Variants in COBL observed in about 807,000 individuals in gnomAD.
The protein encoded by COBL is protein cordon-bleu.
COBL carries 51 observed loss-of-function variants against 98.8 expected under a neutral mutation model. The observed-to-expected ratio is 0.52, with a 90% CI of 0.41 to 0.65. The LOEUF (loss-of-function observed/expected upper bound fraction) is 0.65. Among genes scored for constraint, COBL ranks in the 30% least tolerant of loss-of-function variants. The pLI is 0.00. For missense variants in COBL, 1,617 were observed against 1,617.5 expected (o/e 1.00, Z 0.01); for synonymous variants, 634 against 651.7 (o/e 0.97, Z 0.41).
intron 5 of COBL, among the ~76,000 whole-genome samples, chr7:51,146,259 A>T (rs557630030): frequency 1.3e-5 from 2 of 152,292 alleles, no homozygotes; most frequent in East Asian, 3.9e-4. Context: ...AATCACTCAC[A>T]AATTTGGGTA....
At chr7:51,266,832 A>C (rs530699955) in intron 1 of COBL, among the ~76,000 whole-genome samples, 41 of 152,190 alleles carry the variant, frequency 2.7e-4, no homozygotes, top group Non-Finnish European at 4.7e-4. Context: ...GAGATAACCC[A>C]ATTCAGGGTT....
intron 5 of COBL, among the ~76,000 whole-genome samples, chr7:51,147,891 C>G (rs947107687): frequency 7.2e-5 from 11 of 152,020 alleles, no homozygotes; most frequent in Non-Finnish European, 1.3e-4. Flanking sequence ...GCTGGGAATA[C>G]AGGCACCCGC....
intron 1 of COBL, among the ~76,000 whole-genome samples, chr7:51,313,942 C>T (rs1803299201): frequency 6.6e-6 from 1 of 152,212 alleles, no homozygotes; most frequent in Non-Finnish European, 1.5e-5. Context: ...AGTTTTTGCA[C>T]ACAGCCTCTT....
At chr7:51,136,101 C>A (rs1799209435) in intron 6 of COBL, 57 bp downstream of exon 6, 1 of 1,562,236 alleles carries the variant, frequency 6.4e-7, no homozygotes, top group Non-Finnish European at 8.7e-7. Context: ...AGCTTTGGAA[C>A]AATCAACTGT....
chr7:51,103,809 G>GA (rs1201585828), intron 6 of COBL, among the ~76,000 whole-genome samples: 4 of 152,194 alleles, frequency 2.6e-5, no homozygotes, highest in Non-Finnish European at 5.9e-5. Flanking sequence ...TGGCTTGCTG[G>GA]AAATCTTACC....
In COBL at chr7:51,066,324, C is replaced by T. The variant is rs184427819; in HGVS notation, c.1096+18842G>A. On this transcript the variant is annotated intron_variant, in intron 7 of 12. Transcript: ENST00000265136. ...ATCCTCCCATAAAGCTCAAACAGCA[C>T]GCACCACCTCCTCCACTTTCTCCTT... 5.3e-5 allele frequency among the ~76,000 whole-genome samples: 8 copies of T among 152,246 alleles called. No homozygotes were observed. The East Asian group carries it at 7.7e-4, about 15-fold the overall frequency.
intron 5 of COBL, among the ~76,000 whole-genome samples, chr7:51,139,357 C>A (rs1041827034): frequency 2.0e-5 from 3 of 152,194 alleles, no homozygotes; most frequent in Admixed American, 2.0e-4. Flanking sequence ...GGCAGAAAGT[C>A]AGAAGGCGGA....
In COBL at chr7:51,016,657, C is replaced by G. The variant is rs1786313523; in HGVS notation, c.*894G>C. On this transcript the variant is annotated 3_prime_UTR_variant, in exon 13 of 13. Coordinates refer to ENST00000265136, the MANE Select transcript of COBL (RefSeq NM_015198.5). ...GCGCAACTTTGATCTGAACTCTTGA[C>G]AGGTGGGCATCCAACATCCCTGCTC... 1.3e-5 allele frequency: 4 copies of G among 312,564 alleles called. No individual in the cohort carries two copies. Among genetic ancestry groups the G allele is most frequent in the Non-Finnish European group, 2.3e-5 (4 of 171,822 alleles). The allele number at this position is 312,564 out of a possible 1,614,324, so 19.4% of individuals were successfully genotyped here. A position where few individuals can be genotyped will look rare whatever the true frequency, so the allele number is the denominator to read the frequency against.
chr7:51,307,465 G>A (rs1802597890), intron 1 of COBL, among the ~76,000 whole-genome samples: 2 of 152,178 alleles, frequency 1.3e-5, no homozygotes, highest in Non-Finnish European at 2.9e-5. Context: ...AGCAGGTTCT[G>A]GCCATCTCCT....
chr7:51,294,896 C>A (rs1353351751), intron 1 of COBL, among the ~76,000 whole-genome samples: 2 of 151,898 alleles, frequency 1.3e-5, no homozygotes, highest in Non-Finnish European at 2.9e-5. Flanking sequence ...AAAAATATTG[C>A]CCAATTAGGG....
At chr7:51,242,453 C>T (rs958962246) in intron 1 of COBL, among the ~76,000 whole-genome samples, 7 of 152,172 alleles carry the variant, frequency 4.6e-5, no homozygotes, top group Non-Finnish European at 1.0e-4. Flanking sequence ...GCTCAAGACA[C>T]AGGAAGCTGG....
chr7:51,017,822 C>T lies in COBL; in HGVS notation c.3769-254G>A, dbSNP rs188677678. ...ATGCAGAGGCCCGAGGTCAAGGGAACTGGGAGGTGGGCCCTGGGGTCCTGG... is the reference window on the plus strand; with the variant it reads ...ATGCAGAGGCCCGAGGTCAAGGGAATTGGGAGGTGGGCCCTGGGGTCCTGG... On this transcript the variant is annotated intron_variant, in intron 12 of 12. Coordinates refer to ENST00000265136, the MANE Select transcript of COBL (RefSeq NM_015198.5). 3.9e-5 allele frequency among the ~76,000 whole-genome samples: 6 copies of T among 152,290 alleles called. No homozygotes were observed. In the East Asian group the frequency reaches 1.2e-3, roughly 29 times the overall value.
chr7:51,122,869 C>T (rs112299114), intron 6 of COBL, among the ~76,000 whole-genome samples: 2,344 of 152,036 alleles, frequency 0.015, 60 homozygotes, highest in African/African-American at 0.054. Context: ...ATCCCAGCGA[C>T]TCAGGAGGCT....
chr7:51,302,167 A>G (rs1802034230), intron 1 of COBL, among the ~76,000 whole-genome samples: 1 of 152,202 alleles, frequency 6.6e-6, no homozygotes, highest in Non-Finnish European at 1.5e-5. Context: ...TCCCAGCATA[A>G]TAAATTTGGA....
chr7:51,135,105 G>A (rs531401722), intron 6 of COBL, among the ~76,000 whole-genome samples: 48 of 152,134 alleles, frequency 3.2e-4, no homozygotes, highest in African/African-American at 1.1e-3. Context: ...TGGGACAATA[G>A]GCGTGCACCA....
At position 51,028,867 on chromosome 7, in the gene COBL, G is replaced by A. The variant is rs756721796; in HGVS notation, c.2229C>T (p.His743=). The A allele has an allele frequency of 1.7e-5, 27 of 1,614,056 alleles. No individual in the cohort carries two copies. The highest frequency in any genetic ancestry group is 1.0e-4 in the Admixed American group (6 of 60,010). ...IDELGNLVSP[H]ATGIRIISLS... ...GGGAAATGATCCTGATGCCGGTGGC[G>A]TGAGGACTCACCAAGTTCCCCAGCT... Residue 743 remains histidine, a synonymous_variant, in exon 10 of 13, where the codon CAC becomes CAT. Coordinates refer to ENST00000265136, the MANE Select transcript of COBL (RefSeq NM_015198.5).
rs142097660 is a variant in COBL, at chr7:51,029,406, C to T, written c.1690G>A (p.Ala564Thr). 44 of 1,614,066 alleles carry T rather than the reference C, an allele frequency of 2.7e-5. No homozygotes were observed. The highest frequency in any genetic ancestry group is 1.6e-4 in the Middle Eastern group (1 of 6,062). ...ACACCCTCCGAGTCGAAAGACCCAG[C>T]ATTGTTGTTTCTATTGGAAAACAAC... ...SGLFSNRNNNAGSFDSEGVAS... is the reference protein window; with the variant it reads ...SGLFSNRNNNTGSFDSEGVAS... The change falls in exon 10 of 13, where the codon GCT (alanine) becomes ACT (threonine). Residue 564 changes from alanine to threonine, a missense_variant. Physicochemically the swap from Ala to Thr is moderately conservative, Grantham distance 58. Coordinates refer to ENST00000265136, the MANE Select transcript of COBL (RefSeq NM_015198.5).
rs967476079 is a variant in COBL at position 51,316,649 on chromosome 7, G to A, written c.-16C>T. 3 of 1,194,890 alleles carry A rather than the reference G, an allele frequency of 2.5e-6. No homozygotes were observed. The East Asian group carries it at 1.1e-4, about 42-fold the overall frequency. The allele number at this position is 1,194,890 out of a possible 1,614,324, so 74.0% of individuals were successfully genotyped here. On this transcript the variant is annotated 5_prime_UTR_variant, in exon 1 of 13. Transcript: ENST00000265136. ...GCGCGTCCATGGTGCCGGGGGCCGG[G>A]ACGCGGGCGGTGCTCCGGGCCCGCC... is the stretch of plus-strand genomic sequence containing the variant.
At chr7:51,099,408 A>C (rs896307118) in intron 6 of COBL, among the ~76,000 whole-genome samples, 2 of 152,228 alleles carry the variant, frequency 1.3e-5, no homozygotes, top group African/African-American at 4.8e-5. Flanking sequence ...CTATACACAG[A>C]GTGGAACATT....
Sources: allele counts gnomAD v4.1 joint callset (sites outside exome capture counted in the v4.1 genomes callset), GRCh38; gene constraint gnomAD v4.1.1; transcripts MANE v1.5; gene names NCBI Gene and HGNC (gene_info 2026-07-23, HGNC 2026-07-21).